Variants in ATXN1 observed in about 807,000 individuals in gnomAD.
ATXN1 encodes the protein ataxin 1.
A neutral mutation model predicts 56.4 loss-of-function variants in ATXN1; 8 were observed. That is an observed-to-expected ratio of 0.14 (90% CI 0.08 to 0.26). ATXN1 has a LOEUF of 0.26. ATXN1 is among the 10% of genes least tolerant of loss of function. The pLI is 1.00. For missense variants in ATXN1, 987 were observed against 1,106.5 expected (o/e 0.89, Z 1.53); for synonymous variants, 514 against 494.6 (o/e 1.04, Z -0.52).
chr6:16,647,828 C>A (rs1044809531), intron 3 of ATXN1, among the ~76,000 whole-genome samples: 3 of 152,206 alleles, frequency 2.0e-5, no homozygotes, highest in Non-Finnish European at 4.4e-5. Flanking sequence ...GTAATCCCAG[C>A]ACTTTGGGAG....
At chr6:16,741,064 A>T (rs557720168) in intron 2 of ATXN1, among the ~76,000 whole-genome samples, 56 of 152,350 alleles carry the variant, frequency 3.7e-4, no homozygotes, top group African/African-American at 1.3e-3. Flanking sequence ...GAGCTGAACT[A>T]CAAGTCAGAA....
rs188002482 is a variant in ATXN1, at chr6:16,704,640, G to A, written c.-614-46739C>T. Among the ~76,000 whole-genome samples, 22 of 152,252 alleles carry A rather than the reference G, an allele frequency of 1.4e-4. No individual in the cohort carries two copies. The East Asian group carries it at 3.5e-3, about 24-fold the overall frequency. Reference sequence around the variant, plus strand: ...ACTTTTTTACTTTTCCTTTGAAGCCGCAGTGCAATGTGATTCTACACCCGG... The same window carrying A: ...ACTTTTTTACTTTTCCTTTGAAGCCACAGTGCAATGTGATTCTACACCCGG... On this transcript the variant is annotated intron_variant, in intron 2 of 7. Transcript: ENST00000436367.
chr6:16,650,258 G>A (rs747197438), intron 3 of ATXN1, among the ~76,000 whole-genome samples: 4 of 152,224 alleles, frequency 2.6e-5, no homozygotes, highest in Non-Finnish European at 5.9e-5. Context: ...AGGGATGGGA[G>A]TCACGGGAGA....
intron 4 of ATXN1, among the ~76,000 whole-genome samples, chr6:16,566,670 T>A (rs9396684): frequency 6.7e-4 from 102 of 151,758 alleles, no homozygotes; most frequent in South Asian, 1.2e-3. Context: ...TGGCGAACAC[T>A]GTGAAACCCC....
intron 6 of ATXN1, among the ~76,000 whole-genome samples, chr6:16,355,680 G>A (rs1389919241): frequency 6.6e-6 from 1 of 152,008 alleles, no homozygotes. Flanking sequence ...TCCTGCCTCA[G>A]CCTCCTGAGT....
chr6:16,604,333 A>AC (rs1440038225), intron 3 of ATXN1, among the ~76,000 whole-genome samples: 1 of 149,292 alleles, frequency 6.7e-6, no homozygotes, highest in Non-Finnish European at 1.5e-5. Flanking sequence ...TCAAAAAAAA[A>AC]AAAAAAAACA....
At chr6:16,520,240 C>T (rs1288027163) in intron 5 of ATXN1, among the ~76,000 whole-genome samples, 6 of 152,104 alleles carry the variant, frequency 3.9e-5, no homozygotes, top group East Asian at 1.9e-4. Flanking sequence ...CAGGGACTCA[C>T]GTTTTACAAG....
intron 4 of ATXN1, among the ~76,000 whole-genome samples, chr6:16,560,693 C>A (rs1255424763): frequency 6.6e-6 from 1 of 152,180 alleles, no homozygotes; most frequent in Non-Finnish European, 1.5e-5. Flanking sequence ...ATTCTTGTAG[C>A]AAATCCCTGG....
At chr6:16,568,943 G>A (rs1453981038) in intron 4 of ATXN1, among the ~76,000 whole-genome samples, 1 of 152,162 alleles carries the variant, frequency 6.6e-6, no homozygotes, top group African/African-American at 2.4e-5. Flanking sequence ...AACCATCTGG[G>A]AGGACTGGAT....
Position 16,326,621 on chromosome 6 carries a change from C to T in ATXN1, c.1690G>A (p.Ala564Thr), listed in dbSNP as rs1760812135. 6.2e-7 allele frequency: 1 copy of T among 1,613,942 alleles called. No individual in the cohort carries two copies. Among genetic ancestry groups the T allele is most frequent in the African/African-American group, 1.3e-5 (1 of 74,928 alleles). ...LPVVQSVASP[A>T]AAPPTLPPYF... ...GGAGGCAGCGTAGGGGGAGCCGCCGCCGGGGAGGCCACGGACTGCACCACA... is the reference window on the plus strand; with the variant it reads ...GGAGGCAGCGTAGGGGGAGCCGCCGTCGGGGAGGCCACGGACTGCACCACA... Residue 564 changes from alanine to threonine, a missense_variant, in exon 7 of 8, where the codon GCG becomes ACG. Ala to Thr is a moderately conservative substitution (Grantham distance 58). Coordinates refer to ENST00000436367, the MANE Select transcript of ATXN1 (RefSeq NM_001128164.2). This position sits in a 1 kb window ranked among gnomAD's most constrained non-coding sequence, Gnocchi z 6.6.
intron 6 of ATXN1, among the ~76,000 whole-genome samples, chr6:16,402,900 T>C (rs1271114232): frequency 6.6e-6 from 1 of 152,204 alleles, no homozygotes; most frequent in Non-Finnish European, 1.5e-5. Flanking sequence ...AAACGTTATC[T>C]TAACTCCACA....
At chr6:16,495,367 A>G (rs1760758991) in intron 5 of ATXN1, among the ~76,000 whole-genome samples, 1 of 152,224 alleles carries the variant, frequency 6.6e-6, no homozygotes, top group African/African-American at 2.4e-5. Context: ...GGGAGTGAAG[A>G]TAAAATGAAG....
chr6:16,348,434 A>C (rs1761486938), intron 6 of ATXN1, among the ~76,000 whole-genome samples: 1 of 152,114 alleles, frequency 6.6e-6, no homozygotes, highest in Non-Finnish European at 1.5e-5. Context: ...ACGGTGGCTC[A>C]CACATATAAT....
In ATXN1 at chr6:16,367,331, G is replaced by GTTTCTC. The variant is rs1418567194; in HGVS notation, c.-160-38867_-160-38862dup. ...CAGCACATCTTGCAGCCAAGATTCT[G>GTTTCTC]TTTCTCTCTCTCTCTCTCTCTCTCT... On this transcript the variant is annotated intron_variant, in intron 6 of 7. Coordinates refer to ENST00000436367, the MANE Select transcript of ATXN1 (RefSeq NM_001128164.2). Among the ~76,000 whole-genome samples, 1,688 of 103,982 alleles carry GTTTCTC rather than the reference G, an allele frequency of 0.016. 115 individuals carry two copies. In the East Asian group the frequency reaches 0.3, roughly 18 times the overall value. 68.2% of individuals were successfully genotyped at this position (103,982 alleles called of 152,430 possible).
intron 6 of ATXN1, among the ~76,000 whole-genome samples, chr6:16,363,900 C>T (rs747922493): frequency 3.3e-5 from 5 of 152,214 alleles, no homozygotes; most frequent in Non-Finnish European, 7.3e-5. Context: ...TAGGTGAAAT[C>T]TTTTCGTTAA....
At chr6:16,482,282 T>C (rs1326527562) in intron 6 of ATXN1, among the ~76,000 whole-genome samples, 1 of 152,216 alleles carries the variant, frequency 6.6e-6, no homozygotes, top group African/African-American at 2.4e-5. Context: ...AGCAGTATTT[T>C]AGGTACTATT....
At chr6:16,601,846 T>C (rs978692591) in intron 3 of ATXN1, among the ~76,000 whole-genome samples, 1 of 152,000 alleles carries the variant, frequency 6.6e-6, no homozygotes, top group Non-Finnish European at 1.5e-5. Flanking sequence ...GAGTGAGACT[T>C]TGTCTCAAAA....
intron 3 of ATXN1, among the ~76,000 whole-genome samples, chr6:16,588,168 C>T (rs576340918): frequency 5.9e-5 from 9 of 152,214 alleles, no homozygotes; most frequent in South Asian, 4.1e-4. Context: ...CTCCTCAACT[C>T]CCTCCGCTCC....
intron 4 of ATXN1, among the ~76,000 whole-genome samples, chr6:16,526,411 G>A (rs1472551811): frequency 5.3e-5 from 8 of 152,192 alleles, no homozygotes; most frequent in Admixed American, 1.3e-4. Flanking sequence ...TTGAGTGGGT[G>A]TAGCATAGAA....
Sources: gnomAD v4.1 joint callset for allele counts (sites outside exome capture counted in the v4.1 genomes callset) on GRCh38, gnomAD v4.1.1 for gene constraint, Gnocchi (gnomAD v3.1) non-coding constraint, MANE v1.5 for transcripts, NCBI Gene and HGNC (gene_info 2026-07-23, HGNC 2026-07-21) for gene names.